OR9Q1: variants seen among roughly 807,000 people sequenced by gnomAD.
OR9Q1 encodes the protein olfactory receptor 9Q1.
For missense variants in OR9Q1, 374 were observed against 378.8 expected (o/e 0.99, Z 0.11); for synonymous variants, 153 against 148.6 (o/e 1.03, Z -0.22).
At chr11:58,144,249 A>G (rs561395847) in intron 2 of OR9Q1, among the ~76,000 whole-genome samples, 375 of 137,488 alleles carry the variant, frequency 2.7e-3, no homozygotes, top group African/African-American at 9.9e-3. Flanking sequence ...TCATTGTTCA[A>G]TTCCCACCTA....
intron 2 of OR9Q1, among the ~76,000 whole-genome samples, chr11:58,151,253 T>C (rs979812988): frequency 2.0e-5 from 3 of 152,112 alleles, no homozygotes; most frequent in Non-Finnish European, 4.4e-5. Context: ...AGAAAAGAGC[T>C]CTCATACTCA....
intron 2 of OR9Q1, among the ~76,000 whole-genome samples, chr11:58,136,910 G>A (rs1854194563): frequency 6.6e-6 from 1 of 152,150 alleles, no homozygotes; most frequent in African/African-American, 2.4e-5. Flanking sequence ...GCACAGACCT[G>A]GAGACCTCCC....
At chr11:58,124,599 G>C (rs1268653790) in intron 2 of OR9Q1, 1 of 152,136 alleles carries the variant, frequency 6.6e-6, no homozygotes, top group Non-Finnish European at 1.5e-5. Flanking sequence ...CTCCAAGTCA[G>C]GTAGATGCTA....
intron 2 of OR9Q1, among the ~76,000 whole-genome samples, chr11:58,086,517 A>C (rs1225629828): frequency 7.0e-6 from 1 of 142,280 alleles, no homozygotes; most frequent in Non-Finnish European, 1.6e-5. Flanking sequence ...TATATAACCA[A>C]AGGAATTGAA....
intron 1 of OR9Q1, among the ~76,000 whole-genome samples, chr11:58,028,727 A>G (rs562908642): frequency 6.6e-6 from 1 of 152,304 alleles, no homozygotes; most frequent in Non-Finnish European, 1.5e-5. Context: ...TGGGGCTGCA[A>G]TGCAATTATG....
chr11:58,107,590 A>G (rs927130172), intron 2 of OR9Q1, among the ~76,000 whole-genome samples: 1 of 152,086 alleles, frequency 6.6e-6, no homozygotes, highest in Non-Finnish European at 1.5e-5. Context: ...ACGTGTCTTT[A>G]TGGTAGCATG....
At chr11:58,025,018 C>G (rs537823209) in intron 1 of OR9Q1, among the ~76,000 whole-genome samples, 1 of 152,306 alleles carries the variant, frequency 6.6e-6, no homozygotes, top group Admixed American at 6.5e-5. Context: ...AGTTTACTTA[C>G]TGTCTCTCTG....
intron 2 of OR9Q1, among the ~76,000 whole-genome samples, chr11:58,177,148 C>G (rs1263248673): frequency 6.6e-6 from 1 of 152,214 alleles, no homozygotes. Context: ...TGTTGCACTA[C>G]AACTCTGCCA....
chr11:58,033,591 TG>T (rs941713589), intron 1 of OR9Q1, among the ~76,000 whole-genome samples: 1 of 152,024 alleles, frequency 6.6e-6, no homozygotes, highest in African/African-American at 2.4e-5. Context: ...TAAGAGATAC[TG>T]GGGACCTCAA....
intron 2 of OR9Q1, among the ~76,000 whole-genome samples, chr11:58,142,144 T>C (rs1039666514): frequency 5.3e-5 from 8 of 152,198 alleles, no homozygotes; most frequent in Non-Finnish European, 1.2e-4. Flanking sequence ...ATCCTTACTT[T>C]GATACTTTTA....
At chr11:58,054,433 C>T (rs927433356) in intron 1 of OR9Q1, among the ~76,000 whole-genome samples, 2 of 152,166 alleles carry the variant, frequency 1.3e-5, no homozygotes, top group South Asian at 2.1e-4. Context: ...CACTTTCCCA[C>T]TCCTGCAAGT....
chr11:58,067,914 T>C (rs1481637445), intron 2 of OR9Q1, among the ~76,000 whole-genome samples: 1 of 152,202 alleles, frequency 6.6e-6, no homozygotes, highest in East Asian at 1.9e-4. Context: ...GAGGCATTGA[T>C]GCAGCTGGGC....
intron 2 of OR9Q1, among the ~76,000 whole-genome samples, chr11:58,116,328 T>C (rs537493967): frequency 1.3e-5 from 2 of 152,322 alleles, no homozygotes; most frequent in African/African-American, 4.8e-5. Context: ...TCTGTACCCA[T>C]ATCCTAGTGT....
chr11:58,133,702 T>C (rs1484281409), intron 2 of OR9Q1, among the ~76,000 whole-genome samples: 1 of 152,134 alleles, frequency 6.6e-6, no homozygotes, highest in Non-Finnish European at 1.5e-5. Context: ...ATTGAGAAAG[T>C]GGAAGAGCAA....
intron 1 of OR9Q1, among the ~76,000 whole-genome samples, chr11:58,026,043 T>G (rs1852970524): frequency 6.6e-6 from 1 of 152,218 alleles, no homozygotes; most frequent in Non-Finnish European, 1.5e-5. Flanking sequence ...GCCCCCTACT[T>G]TGTTCTACCA....
intron 1 of OR9Q1, among the ~76,000 whole-genome samples, chr11:58,037,498 C>A (rs1181022247): frequency 6.6e-6 from 1 of 151,042 alleles, no homozygotes; most frequent in East Asian, 1.9e-4. Flanking sequence ...GAAAAGAAAG[C>A]AAAACATACT....
At chr11:58,024,651 T>G (rs1053336550) in intron 1 of OR9Q1, among the ~76,000 whole-genome samples, 2 of 152,162 alleles carry the variant, frequency 1.3e-5, no homozygotes, top group African/African-American at 4.8e-5. Flanking sequence ...TTCTCCTTAT[T>G]TAGTGATTGC....
chr11:58,157,314 C>T (rs1445639932), intron 2 of OR9Q1, among the ~76,000 whole-genome samples: 1 of 152,160 alleles, frequency 6.6e-6, no homozygotes, highest in Non-Finnish European at 1.5e-5. Flanking sequence ...CTGAAGGGGT[C>T]TATGAACCTC....
At chr11:58,097,306 A>G (rs549808950) in intron 2 of OR9Q1, among the ~76,000 whole-genome samples, 2 of 152,326 alleles carry the variant, frequency 1.3e-5, no homozygotes, top group African/African-American at 4.8e-5. Context: ...ACATTCTTAT[A>G]AAAGCCTTTT....
Sources: gnomAD v4.1 joint callset for allele counts (sites outside exome capture counted in the v4.1 genomes callset) on GRCh38, gnomAD v4.1.1 for gene constraint, MANE v1.5 for transcripts, NCBI Gene and HGNC (gene_info 2026-07-23, HGNC 2026-07-21) for gene names.